IPCEF1: variants seen among roughly 807,000 people sequenced by gnomAD.
IPCEF1 encodes interactor protein for cytohesin exchange factors 1.
IPCEF1 carries 31 observed loss-of-function variants against 50.9 expected under a neutral mutation model. The ratio of observed to expected loss-of-function variants is 0.61; its 90% confidence interval spans 0.46 to 0.82. IPCEF1 has a LOEUF of 0.82. Among genes scored for constraint, IPCEF1 ranks in the 40% least tolerant of loss-of-function variants. IPCEF1 has a pLI of 0.00. For synonymous variants in IPCEF1, 181 were observed against 192.0 expected (o/e 0.94, Z 0.47); for missense variants, 458 against 514.0 (o/e 0.89, Z 1.05).
intron 1 of IPCEF1, among the ~76,000 whole-genome samples, chr6:154,302,287 C>T (rs1782815525): frequency 6.6e-6 from 1 of 152,204 alleles, no homozygotes; most frequent in South Asian, 2.1e-4. Context: ...GAGTCACGCT[C>T]ACTTCGAGAG....
chr6:154,177,791 A>G (rs1800471256), intron 10 of IPCEF1, among the ~76,000 whole-genome samples: 1 of 152,244 alleles, frequency 6.6e-6, no homozygotes, highest in Non-Finnish European at 1.5e-5. Context: ...ATTACTGGGT[A>G]TATATCCAAA....
chr6:154,265,169 G>A (rs1220930827), intron 3 of IPCEF1, among the ~76,000 whole-genome samples: 1 of 152,066 alleles, frequency 6.6e-6, no homozygotes, highest in African/African-American at 2.4e-5. Context: ...CCCTGCATAA[G>A]TTTCCTTGTC....
intron 1 of IPCEF1, among the ~76,000 whole-genome samples, chr6:154,349,174 T>C (rs1177731355): frequency 6.7e-6 from 1 of 149,362 alleles, no homozygotes; most frequent in Non-Finnish European, 1.5e-5. Flanking sequence ...GAGGTTTGTA[T>C]TATTTTATCT....
At chr6:154,242,185 A>C (rs1256277423) in intron 5 of IPCEF1, among the ~76,000 whole-genome samples, 3 of 152,094 alleles carry the variant, frequency 2.0e-5, no homozygotes, top group African/African-American at 7.2e-5. Context: ...CGCATCTCCC[A>C]CCTCTACTTC....
At chr6:154,238,812 C>T (rs1457690821) in intron 5 of IPCEF1, among the ~76,000 whole-genome samples, 1 of 152,050 alleles carries the variant, frequency 6.6e-6, no homozygotes, top group East Asian at 1.9e-4. Flanking sequence ...TCCCAAAGTG[C>T]TGGGATTACA....
chr6:154,350,554 T>C (rs780177803), intron 1 of IPCEF1, among the ~76,000 whole-genome samples: 1 of 152,210 alleles, frequency 6.6e-6, no homozygotes, highest in Non-Finnish European at 1.5e-5. Flanking sequence ...CCCCTAGAAG[T>C]GCTTGCCAGC....
At chr6:154,270,163 C>T (rs1181132107) in intron 2 of IPCEF1, among the ~76,000 whole-genome samples, 1 of 152,120 alleles carries the variant, frequency 6.6e-6, no homozygotes, top group Non-Finnish European at 1.5e-5. Context: ...AGATAAGACC[C>T]TAACGACAGG....
At position 154,241,241 on chromosome 6, in the gene IPCEF1, A is replaced by G. The variant is rs533185005; in HGVS notation, c.246+5350T>C. ...CAAAGTGAGACTCCATCTCAAAAAA[A>G]AAAAAAAAAAAAAGAGAGAGAGAGA... is the stretch of plus-strand genomic sequence containing the variant. On this transcript the variant is annotated intron_variant, in intron 5 of 11. Transcript: ENST00000367220. 7.9e-5 allele frequency among the ~76,000 whole-genome samples: 12 copies of G among 151,668 alleles called. 1 individual carries two copies. In the South Asian group the frequency reaches 2.5e-3, roughly 32 times the overall value.
intron 9 of IPCEF1, among the ~76,000 whole-genome samples, chr6:154,211,083 A>C (rs1413849629): frequency 6.6e-6 from 1 of 152,188 alleles, no homozygotes; most frequent in African/African-American, 2.4e-5. Flanking sequence ...ACTTGCCATC[A>C]TTTGGGTCTA....
intron 1 of IPCEF1, among the ~76,000 whole-genome samples, chr6:154,321,286 A>AATGCTTCT (rs1230021891): frequency 6.6e-6 from 1 of 152,124 alleles, no homozygotes; most frequent in Non-Finnish European, 1.5e-5. Flanking sequence ...TTTGAATAGT[A>AATGCTTCT]ATTCTGATGC....
chr6:154,257,727 T>A (rs1443830613), intron 3 of IPCEF1, among the ~76,000 whole-genome samples: 1 of 152,102 alleles, frequency 6.6e-6, no homozygotes, highest in Non-Finnish European at 1.5e-5. Flanking sequence ...TGAGACAGGG[T>A]CTTGCTTTTT....
At chr6:154,237,998 A>G (rs1261491852) in intron 5 of IPCEF1, among the ~76,000 whole-genome samples, 5 of 152,194 alleles carry the variant, frequency 3.3e-5, no homozygotes, top group Non-Finnish European at 7.3e-5. Context: ...GATAAAAGCC[A>G]TTTTTGATTT....
At chr6:154,306,866 C>T in intron 1 of IPCEF1, 1 of 152,124 alleles carries the variant, frequency 6.6e-6, no homozygotes, top group East Asian at 1.9e-4. Flanking sequence ...ATCTCACTTC[C>T]CTTAACCTGC....
intron 1 of IPCEF1, among the ~76,000 whole-genome samples, chr6:154,309,254 C>T (rs952415724): frequency 7.2e-5 from 11 of 152,176 alleles, no homozygotes; most frequent in Middle Eastern, 3.2e-3. Context: ...CGCTCATTCA[C>T]AGCCTTTATC....
chr6:154,353,293 CT>C (rs914097422), intron 1 of IPCEF1, among the ~76,000 whole-genome samples: 1,393 of 127,822 alleles, frequency 0.011, 3 homozygotes, highest in Non-Finnish European at 0.017. Flanking sequence ...TTTCCTTTTC[CT>C]TTTTTTTTTT....
intron 1 of IPCEF1, among the ~76,000 whole-genome samples, chr6:154,320,680 G>T (rs1005321668): frequency 6.6e-6 from 1 of 152,120 alleles, no homozygotes. Context: ...CCAATTGTGC[G>T]TGAATGAAGT....
intron 1 of IPCEF1, among the ~76,000 whole-genome samples, chr6:154,353,104 G>A (rs888241946): frequency 6.6e-6 from 1 of 152,068 alleles, no homozygotes; most frequent in Non-Finnish European, 1.5e-5. Flanking sequence ...ACATGATTCT[G>A]CACCAGCCTT....
At chr6:154,278,960 C>CAAA (rs1381623158) in intron 2 of IPCEF1, among the ~76,000 whole-genome samples, 12 of 55,974 alleles carry the variant, frequency 2.1e-4, no homozygotes, top group African/African-American at 6.7e-4. Flanking sequence ...ACCAAAAATA[C>CAAA]AAAAAAAAAA....
chr6:154,320,487 A>AT (rs1431814681), intron 1 of IPCEF1, among the ~76,000 whole-genome samples: 1 of 152,172 alleles, frequency 6.6e-6, no homozygotes, highest in Non-Finnish European at 1.5e-5. Flanking sequence ...TCTAATACCG[A>AT]TTTTAGTGCA....
Sources: allele counts gnomAD v4.1 joint callset (sites outside exome capture counted in the v4.1 genomes callset), GRCh38; gene constraint gnomAD v4.1.1; transcripts MANE v1.5; gene names NCBI Gene and HGNC (gene_info 2026-07-23, HGNC 2026-07-21).